Variants in TMC1 observed in about 807,000 individuals in gnomAD.
TMC1 encodes transmembrane channel like 1, also known as transmembrane channel-like protein 1.
Under a neutral mutation model 105.8 loss-of-function variants are expected in TMC1, and 84 were observed. That is an observed-to-expected ratio of 0.79 (90% CI 0.67 to 0.95). TMC1 has a LOEUF of 0.95. Ranked by LOEUF, TMC1 falls within the 40% of genes least tolerant of loss-of-function variation. The pLI, the probability that TMC1 is intolerant of heterozygous loss-of-function variation, is 0.00. For synonymous variants in TMC1, 315 were observed against 311.5 expected (o/e 1.01, Z -0.12); for missense variants, 817 against 914.1 (o/e 0.89, Z 1.37).
rs756617297 is a variant in TMC1, at chr9:72,836,016, G to C, written c.*43G>C. On this transcript the variant is annotated 3_prime_UTR_variant, in exon 24 of 24. Transcript: ENST00000297784. ...CAGAAAAGGTACACTTTGCCTTGCTGTTTAAAAGTAATGCAATATGTGAAC... is the reference window on the plus strand; with the variant it reads ...CAGAAAAGGTACACTTTGCCTTGCTCTTTAAAAGTAATGCAATATGTGAAC... 6.4e-7 allele frequency: 1 copy of C among 1,573,628 alleles called. No individual in the cohort carries two copies. The highest frequency in any genetic ancestry group is 1.7e-5 in the Admixed American group (1 of 58,410).
intron 10 of TMC1, among the ~76,000 whole-genome samples, chr9:72,746,547 A>G (rs1051644226): frequency 1.3e-5 from 2 of 151,410 alleles, no homozygotes; most frequent in African/African-American, 4.9e-5. Context: ...CTCAGTATCT[A>G]GATAATACCA....
intron 1 of TMC1, among the ~76,000 whole-genome samples, chr9:72,574,220 G>C (rs1024458318): frequency 6.6e-6 from 1 of 152,206 alleles, no homozygotes; most frequent in African/African-American, 2.4e-5. Context: ...TTTTGAAATG[G>C]TAGGATTGGG....
intron 13 of TMC1, among the ~76,000 whole-genome samples, chr9:72,779,581 G>T (rs67813191): frequency 0.063 from 9,549 of 152,244 alleles, 335 homozygotes; most frequent in African/African-American, 0.087. Context: ...TGATCTGATA[G>T]AGCTGAAAAC....
At chr9:72,571,455 T>A (rs111501064) in intron 1 of TMC1, among the ~76,000 whole-genome samples, 1 of 138,590 alleles carries the variant, frequency 7.2e-6, no homozygotes, top group Admixed American at 7.2e-5. Context: ...TTTTTTTTTT[T>A]CTTTTTTTTT....
chr9:72,736,707 T>TAATATGATAACTCACAAAAAAAA (rs1827304502), intron 8 of TMC1, among the ~76,000 whole-genome samples: 1 of 152,222 alleles, frequency 6.6e-6, no homozygotes, highest in Non-Finnish European at 1.5e-5. Flanking sequence ...AACTCCTATG[T>TAATATGATAACTCACAAAAAAAA]ATACTTAGTT....
intron 1 of TMC1, among the ~76,000 whole-genome samples, chr9:72,559,754 C>A (rs1824013002): frequency 6.6e-6 from 1 of 152,062 alleles, no homozygotes. Context: ...AAAATGGAGA[C>A]AAACCACTCA....
At chr9:72,570,316 C>T (rs1824254876) in intron 1 of TMC1, among the ~76,000 whole-genome samples, 1 of 151,612 alleles carries the variant, frequency 6.6e-6, no homozygotes. Flanking sequence ...CTCCTTCACT[C>T]CTTTTCAACA....
intron 15 of TMC1, 130 bp downstream of exon 15, chr9:72,789,447 A>T (rs1828227499): frequency 2.0e-5 from 16 of 789,504 alleles, no homozygotes; most frequent in Non-Finnish European, 3.4e-5. Flanking sequence ...ACAGTTAACC[A>T]ACCCTGTTGC....
Position 72,816,134 on chromosome 9 carries a change from C to T in TMC1, c.1696-9C>T. The T allele has an allele frequency of 6.2e-7, 1 of 1,612,956 alleles. No homozygotes were observed. The highest frequency in any genetic ancestry group is 8.5e-7 in the Non-Finnish European group (1 of 1,179,046). ...GACGCTAATCCAATGAACATTGTGTCTCCTCTAGCCTTCATACACCGAATT... is the reference window on the plus strand; with the variant it reads ...GACGCTAATCCAATGAACATTGTGTTTCCTCTAGCCTTCATACACCGAATT... On this transcript the variant is annotated splice_polypyrimidine_tract_variant and intron_variant, in intron 18 of 23. Coordinates refer to ENST00000297784, the MANE Select transcript of TMC1 (RefSeq NM_138691.3).
chr9:72,682,350 G>C (rs1307246234), intron 5 of TMC1, among the ~76,000 whole-genome samples: 1 of 152,090 alleles, frequency 6.6e-6, no homozygotes, highest in Non-Finnish European at 1.5e-5. Flanking sequence ...TAAGTGTAAT[G>C]ATCTCATTCT....
rs376350461 is a variant in TMC1, at chr9:72,820,012, C to T, written c.1764-830C>T. Among the ~76,000 whole-genome samples, 262 of 152,228 alleles carry T rather than the reference C, an allele frequency of 1.7e-3. 2 individuals carry two copies. The highest frequency in any genetic ancestry group is 5.4e-3 in the African/African-American group (226 of 41,554). ...AGTGACCACACCTAAGTTGTTCCCA[C>T]CTAAAAGTAGTATTTTAAAATGCTT... On this transcript the variant is annotated intron_variant, in intron 19 of 23. Transcript: ENST00000297784.
intron 13 of TMC1, among the ~76,000 whole-genome samples, chr9:72,774,494 T>G (rs1162173566): frequency 6.6e-6 from 1 of 152,202 alleles, no homozygotes; most frequent in African/African-American, 2.4e-5. Flanking sequence ...ATGTTGCTGG[T>G]GGAACACTCT....
chr9:72,766,416 C>CA (rs397894474), intron 12 of TMC1, among the ~76,000 whole-genome samples: 2,191 of 68,410 alleles, frequency 0.032, 38 homozygotes, highest in African/African-American at 0.084. Flanking sequence ...GACTCTGTCT[C>CA]AAAAAAAAAA....
chr9:72,826,815 T>C (rs1828963323), intron 20 of TMC1, 54 bp from the exon 21 acceptor site: 1 of 1,595,054 alleles, frequency 6.3e-7, no homozygotes, highest in African/African-American at 1.3e-5. Flanking sequence ...GCTTTAACCA[T>C]GGTTTTTCCA....
At chr9:72,588,584 T>C (rs544935393) in intron 2 of TMC1, among the ~76,000 whole-genome samples, 1 of 152,278 alleles carries the variant, frequency 6.6e-6, no homozygotes, top group African/African-American at 2.4e-5. Flanking sequence ...AAGTAAATGC[T>C]GCCAGTTTCT....
chr9:72,702,247 CA>C (rs1282935639), intron 8 of TMC1, among the ~76,000 whole-genome samples: 4 of 151,980 alleles, frequency 2.6e-5, no homozygotes, highest in South Asian at 4.2e-4. Flanking sequence ...ATAAAAATTC[CA>C]AGGACTACCT....
chr9:72,737,726 A>G (rs551173925), intron 8 of TMC1, among the ~76,000 whole-genome samples: 2 of 152,346 alleles, frequency 1.3e-5, no homozygotes, highest in Admixed American at 1.3e-4. Flanking sequence ...TCTAAAAGAC[A>G]TTGTTAATGC....
intron 5 of TMC1, among the ~76,000 whole-genome samples, chr9:72,667,545 G>C (rs1051806814): frequency 6.6e-6 from 1 of 152,046 alleles, no homozygotes; most frequent in Admixed American, 6.6e-5. Context: ...TTGGATATTG[G>C]GATGTAGTCA....
chr9:72,755,863 G>A (rs113187835), intron 12 of TMC1, among the ~76,000 whole-genome samples: 124 of 152,296 alleles, frequency 8.1e-4, no homozygotes, highest in African/African-American at 2.3e-3. Flanking sequence ...TAAATTGTGA[G>A]TTTCCCAAAG....
Sources: gnomAD v4.1 joint callset for allele counts (sites outside exome capture counted in the v4.1 genomes callset) on GRCh38, gnomAD v4.1.1 for gene constraint, MANE v1.5 for transcripts, NCBI Gene and HGNC (gene_info 2026-07-23, HGNC 2026-07-21) for gene names.